Variants in KCNT2 observed in about 807,000 individuals in gnomAD.
The protein encoded by KCNT2 is potassium channel subfamily T member 2.
A neutral mutation model predicts 153.8 loss-of-function variants in KCNT2; 67 were observed. The observed-to-expected ratio is 0.44, with a 90% CI of 0.36 to 0.53. KCNT2 has a LOEUF of 0.53. Ranked by LOEUF, KCNT2 falls within the 20% of genes least tolerant of loss-of-function variation. The pLI is 0.00. For synonymous variants in KCNT2, 500 were observed against 458.8 expected, an observed-to-expected ratio of 1.09 and a Z score of -1.15; for missense variants, 975 against 1,354.8, an observed-to-expected ratio of 0.72 and a Z score of 4.40.
At position 196,334,487 on chromosome 1, in the gene KCNT2, C is replaced by CTTGTTTTTTTTTTTTTTTTTTT. The variant is rs1664800403; in HGVS notation, c.1784-428_1784-427insAAAAAAAAAAAAAAAAAAACAA. Reference sequence around the variant, plus strand: ...TTTTCTTTTATTTCTTTCTTTCTTTCTTTTTTTTTTTTAAGACAGAGTCTC... The same window carrying CTTGTTTTTTTTTTTTTTTTTTT: ...TTTTCTTTTATTTCTTTCTTTCTTTCTTGTTTTTTTTTTTTTTTTTTTTTTTTTTTTTTTAAGACAGAGTCTC... On this transcript the variant is annotated intron_variant, in intron 16 of 27. Transcript: ENST00000294725. Among the ~76,000 whole-genome samples, 12 of 87,264 alleles carry CTTGTTTTTTTTTTTTTTTTTTT rather than the reference C, an allele frequency of 1.4e-4. 3 individuals are homozygous for CTTGTTTTTTTTTTTTTTTTTTT. Among genetic ancestry groups the CTTGTTTTTTTTTTTTTTTTTTT allele is most frequent in the African/African-American group, 3.9e-4 (9 of 22,918 alleles). The allele number at this position is 87,264 out of a possible 152,430, so 57.2% of individuals were successfully genotyped here. A position where few individuals can be genotyped will look rare whatever the true frequency, so the allele number is the denominator to read the frequency against.
intron 25 of KCNT2, among the ~76,000 whole-genome samples, chr1:196,264,128 T>C (rs1657291206): frequency 6.6e-6 from 1 of 152,228 alleles, no homozygotes; most frequent in South Asian, 2.1e-4. Context: ...AATTTCTTAA[T>C]GCTTTTCCTA....
intron 17 of KCNT2, among the ~76,000 whole-genome samples, chr1:196,332,189 A>C (rs1664531960): frequency 6.6e-6 from 1 of 152,208 alleles, no homozygotes; most frequent in East Asian, 1.9e-4. Flanking sequence ...CTAAGAGATA[A>C]AATTATAGGG....
chr1:196,503,954 C>T (rs901964075), intron 1 of KCNT2, among the ~76,000 whole-genome samples: 11 of 152,132 alleles, frequency 7.2e-5, no homozygotes, highest in Middle Eastern at 3.4e-3. Flanking sequence ...GCTTAAGTTA[C>T]GACTTTTAAT....
intron 8 of KCNT2, among the ~76,000 whole-genome samples, chr1:196,454,337 G>A (rs764231234): frequency 6.6e-6 from 1 of 151,962 alleles, no homozygotes; most frequent in Non-Finnish European, 1.5e-5. Flanking sequence ...AGTGAGCATA[G>A]TATCTAACAG....
In KCNT2 at chr1:196,426,709, G is replaced by A. The variant is rs139395233; in HGVS notation, c.985-721C>T. Among the ~76,000 whole-genome samples, 618 of 151,754 alleles carry A rather than the reference G, an allele frequency of 4.1e-3. 4 individuals carry two copies. Among genetic ancestry groups the A allele is most frequent in the African/African-American group, 0.014 (559 of 41,382 alleles). On this transcript the variant is annotated intron_variant, in intron 10 of 27. Transcript: ENST00000294725. Reference sequence around the variant, plus strand: ...ATTCTCTACATTGATACTAGATAAAGTTAATGACTGTATGATATGGTTTGG... The same window carrying A: ...ATTCTCTACATTGATACTAGATAAAATTAATGACTGTATGATATGGTTTGG...
At chr1:196,411,059 CTCCTTCCT>C (rs147825662) in intron 12 of KCNT2, among the ~76,000 whole-genome samples, 1,422 of 95,004 alleles carry the variant, frequency 0.015, 40 homozygotes, top group African/African-American at 0.061. Flanking sequence ...CCTCTATTCC[CTCCTTCCT>C]TCCTTCCTTC....
chr1:196,308,733 C>A (rs1041670025), intron 21 of KCNT2, among the ~76,000 whole-genome samples: 8 of 151,948 alleles, frequency 5.3e-5, no homozygotes, highest in African/African-American at 1.2e-4. Context: ...CACACCACAG[C>A]ATTAGGTTCT....
chr1:196,431,009 A>G (rs1172513915), intron 8 of KCNT2, among the ~76,000 whole-genome samples: 1 of 152,122 alleles, frequency 6.6e-6, no homozygotes, highest in Admixed American at 6.6e-5. Context: ...GAATGGAATT[A>G]GCAATCTTAT....
chr1:196,280,991 A>G lies in KCNT2; in HGVS notation c.2782-3T>C. 1 of 1,602,186 alleles carries G rather than the reference A, an allele frequency of 6.2e-7. No individual in the cohort carries two copies. The highest frequency in any genetic ancestry group is 8.5e-7 in the Non-Finnish European group (1 of 1,171,174). ...AAGTCATCTGCAGTGATTTTCATCT[A>G]TAACACACACAAATTATTTACATAT... On this transcript the variant is annotated splice_region_variant and splice_polypyrimidine_tract_variant and intron_variant, in intron 24 of 27. Coordinates refer to ENST00000294725, the MANE Select transcript of KCNT2 (RefSeq NM_198503.5).
intron 13 of KCNT2, among the ~76,000 whole-genome samples, chr1:196,377,288 G>A (rs745528553): frequency 1.4e-4 from 22 of 151,806 alleles, no homozygotes; most frequent in Middle Eastern, 3.2e-3. Flanking sequence ...AGAGAGTGAC[G>A]GTGAGCTGGG....
intron 1 of KCNT2, among the ~76,000 whole-genome samples, chr1:196,577,312 CG>C (rs1661482056): frequency 6.6e-6 from 1 of 151,976 alleles, no homozygotes; most frequent in South Asian, 2.1e-4. Flanking sequence ...TCCTGAGAAA[CG>C]AGAAACAAAT....
At chr1:196,575,391 A>G (rs1262085623) in intron 1 of KCNT2, among the ~76,000 whole-genome samples, 1 of 152,106 alleles carries the variant, frequency 6.6e-6, no homozygotes, top group Non-Finnish European at 1.5e-5. Context: ...TGAATGAGTC[A>G]TAAGTAAAAT....
chr1:196,549,770 T>C (rs1657645610), intron 1 of KCNT2, among the ~76,000 whole-genome samples: 1 of 151,938 alleles, frequency 6.6e-6, no homozygotes, highest in Admixed American at 6.6e-5. Context: ...TTTTTATTGC[T>C]AGCTGAAAGC....
chr1:196,425,230 A>G (rs1673550843), intron 11 of KCNT2, among the ~76,000 whole-genome samples: 1 of 151,988 alleles, frequency 6.6e-6, no homozygotes, highest in African/African-American at 2.4e-5. Context: ...CAACTTGGTA[A>G]CTTGTGACAA....
intron 16 of KCNT2, among the ~76,000 whole-genome samples, chr1:196,334,365 C>T (rs2148119670): frequency 6.6e-6 from 1 of 151,526 alleles, no homozygotes; most frequent in South Asian, 2.1e-4. Flanking sequence ...AAAAAGTATA[C>T]CCTGATGTTT....
chr1:196,472,482 G>A (rs1199054721), intron 5 of KCNT2, among the ~76,000 whole-genome samples: 2 of 152,134 alleles, frequency 1.3e-5, no homozygotes, highest in African/African-American at 4.8e-5. Context: ...ATAAGCTAAT[G>A]ACTAATAATC....
chr1:196,366,956 T>G (rs529738337), intron 14 of KCNT2, among the ~76,000 whole-genome samples: 1 of 152,306 alleles, frequency 6.6e-6, no homozygotes, highest in East Asian at 1.9e-4. Flanking sequence ...GTTGGTTCAA[T>G]GTTAATTGGG....
intron 22 of KCNT2, among the ~76,000 whole-genome samples, chr1:196,302,252 T>G (rs1391402731): frequency 2.6e-5 from 4 of 152,126 alleles, no homozygotes; most frequent in Non-Finnish European, 5.9e-5. Flanking sequence ...AAAATCTCCT[T>G]GCACCCAGAA....
chr1:196,404,798 C>T (rs577564229), intron 12 of KCNT2, among the ~76,000 whole-genome samples: 2 of 151,664 alleles, frequency 1.3e-5, no homozygotes, highest in Non-Finnish European at 1.5e-5. Context: ...CTAGCTTATC[C>T]CCAGAACCTA....
Sources: allele counts gnomAD v4.1 joint callset (sites outside exome capture counted in the v4.1 genomes callset), GRCh38; gene constraint gnomAD v4.1.1; transcripts MANE v1.5; gene names NCBI Gene and HGNC (gene_info 2026-07-23, HGNC 2026-07-21).